The following NCK2 variants were observed in gnomAD, a reference collection of about 807,000 sequenced individuals.
NCK2 encodes the protein NCK adaptor protein 2, also known as cytoplasmic protein NCK2.
In NCK2, 16 loss-of-function variants were observed where a neutral mutation model predicts 33.9. The observed-to-expected ratio is 0.47, with a 90% CI of 0.32 to 0.72. NCK2 has a LOEUF of 0.72. Ranked by LOEUF, NCK2 falls within the 30% of genes least tolerant of loss-of-function variation. The pLI is 0.03. For missense variants in NCK2, 418 were observed against 537.3 expected, an observed-to-expected ratio of 0.78 and a Z score of 2.19; for synonymous variants, 273 against 239.9, an observed-to-expected ratio of 1.14 and a Z score of -1.27.
intron 2 of NCK2, among the ~76,000 whole-genome samples, chr2:105,851,250 C>T (rs1420525090): frequency 6.6e-6 from 1 of 151,414 alleles, no homozygotes; most frequent in Non-Finnish European, 1.5e-5. Context: ...AGTCGGTGTC[C>T]GGCACAGAGC....
At chr2:105,860,221 G>A (rs1677463970) in intron 3 of NCK2, among the ~76,000 whole-genome samples, 1 of 152,176 alleles carries the variant, frequency 6.6e-6, no homozygotes, top group Non-Finnish European at 1.5e-5. Flanking sequence ...AGAAGTTGGA[G>A]GCTGCAGTGA....
intron 4 of NCK2, 45 bp downstream of exon 4, chr2:105,882,094 G>A (rs766557465): frequency 4.8e-6 from 7 of 1,467,970 alleles, no homozygotes; most frequent in Non-Finnish European, 6.3e-6. Context: ...CAGTAAATGC[G>A]CCTTGCGCGG....
Position 105,821,599 on chromosome 2 carries a change from C to A in NCK2, c.-17+4986C>A, listed in dbSNP as rs540161715. Reference sequence around the variant, plus strand: ...ATTGACAGCTGCTGGGAAAACATTGCCACATTGATTCCACAGTGCCCCGGT... The same window carrying A: ...ATTGACAGCTGCTGGGAAAACATTGACACATTGATTCCACAGTGCCCCGGT... On this transcript the variant is annotated intron_variant, in intron 2 of 4. Transcript: ENST00000233154. Among the ~76,000 whole-genome samples, 15 of 152,250 alleles carry A rather than the reference C, an allele frequency of 9.9e-5. 1 individual carries two copies. In the South Asian group the frequency reaches 3.1e-3, roughly 32 times the overall value.
intron 3 of NCK2, among the ~76,000 whole-genome samples, chr2:105,867,936 A>G (rs1677826022): frequency 6.6e-6 from 1 of 152,238 alleles, no homozygotes; most frequent in Non-Finnish European, 1.5e-5. Context: ...GTCTGCATTT[A>G]CCCATACGGT....
At chr2:105,752,439 A>G (rs889273857) in intron 1 of NCK2, among the ~76,000 whole-genome samples, 12 of 152,256 alleles carry the variant, frequency 7.9e-5, no homozygotes, top group Non-Finnish European at 1.0e-4. Context: ...ATATCTTAAA[A>G]TGTGGTTTGA....
At chr2:105,827,797 G>T (rs906124569) in intron 2 of NCK2, among the ~76,000 whole-genome samples, 2 of 152,188 alleles carry the variant, frequency 1.3e-5, no homozygotes, top group African/African-American at 4.8e-5. Context: ...TTTACAAGGG[G>T]TTGGTGATGG....
At chr2:105,801,136 T>C (rs912533681) in intron 1 of NCK2, among the ~76,000 whole-genome samples, 1 of 152,222 alleles carries the variant, frequency 6.6e-6, no homozygotes, top group Non-Finnish European at 1.5e-5. Flanking sequence ...GCAGGGTGTC[T>C]GGTGAGGTTG....
At chr2:105,803,196 T>A (rs1044001000) in intron 1 of NCK2, among the ~76,000 whole-genome samples, 2 of 152,244 alleles carry the variant, frequency 1.3e-5, no homozygotes, top group Non-Finnish European at 2.9e-5. Flanking sequence ...ATATAAACAT[T>A]TATTCTGCTT....
At chr2:105,785,642 C>T (rs1365787889) in intron 1 of NCK2, among the ~76,000 whole-genome samples, 1 of 152,202 alleles carries the variant, frequency 6.6e-6, no homozygotes, top group Non-Finnish European at 1.5e-5. Flanking sequence ...CTCTGAGCCA[C>T]CTCAACATCC....
At chr2:105,752,137 A>G (rs546606251) in intron 1 of NCK2, among the ~76,000 whole-genome samples, 3 of 152,294 alleles carry the variant, frequency 2.0e-5, no homozygotes, top group South Asian at 2.1e-4. Context: ...CCTTGGCCAC[A>G]CGCGACTAGT....
intron 3 of NCK2, among the ~76,000 whole-genome samples, chr2:105,871,133 T>TTTATTAATTGCAGATGTGTA (rs1677981883): frequency 6.6e-6 from 1 of 150,832 alleles, no homozygotes; most frequent in Non-Finnish European, 1.5e-5. Context: ...GCGAGTGAGG[T>TTTATTAATTGCAGATGTGTA]TTATTAATTG....
intron 1 of NCK2, among the ~76,000 whole-genome samples, chr2:105,812,377 C>T (rs1675320886): frequency 6.6e-6 from 1 of 152,218 alleles, no homozygotes; most frequent in South Asian, 2.1e-4. Flanking sequence ...ACTTGTGTAG[C>T]TTTGTTCAGT....
chr2:105,822,984 C>T lies in NCK2; in HGVS notation c.-17+6371C>T, dbSNP rs375408325. 3.9e-4 allele frequency among the ~76,000 whole-genome samples: 59 copies of T among 151,874 alleles called. 1 individual carries two copies. The highest frequency in any genetic ancestry group is 1.3e-3 in the African/African-American group (55 of 41,176). ...AAGAGGCCCTGGGCCGGCCGTGTGG[C>T]GGATGTGTATGTAAGAGAACAGCAT... On this transcript the variant is annotated intron_variant, in intron 2 of 4. Coordinates refer to ENST00000233154, the MANE Select transcript of NCK2 (RefSeq NM_003581.5).
intron 1 of NCK2, among the ~76,000 whole-genome samples, chr2:105,813,185 C>G (rs1314736878): frequency 2.6e-5 from 4 of 152,170 alleles, no homozygotes; most frequent in African/African-American, 9.7e-5. Context: ...ACGATTCTTG[C>G]AGCTGATGCT....
intron 1 of NCK2, among the ~76,000 whole-genome samples, chr2:105,752,039 C>A (rs1689470010): frequency 6.6e-6 from 1 of 152,098 alleles, no homozygotes; most frequent in Non-Finnish European, 1.5e-5. Context: ...AACTCATATT[C>A]TTTTATTTGC....
upstream of NCK2, among the ~76,000 whole-genome samples, chr2:105,744,519 TG>T (rs1475383385): frequency 1.3e-5 from 2 of 152,118 alleles, no homozygotes; most frequent in Non-Finnish European, 2.9e-5. Flanking sequence ...CATCCCAGGC[TG>T]GAAGTTGCCG....
At chr2:105,814,762 T>G (rs1675422891) in intron 1 of NCK2, among the ~76,000 whole-genome samples, 1 of 152,138 alleles carries the variant, frequency 6.6e-6, no homozygotes, top group African/African-American at 2.4e-5. Flanking sequence ...ATCCTGGCAG[T>G]GTATCAGAAG....
At chr2:105,827,714 C>T (rs988885904) in intron 2 of NCK2, among the ~76,000 whole-genome samples, 6 of 152,256 alleles carry the variant, frequency 3.9e-5, no homozygotes, top group African/African-American at 1.4e-4. Flanking sequence ...CAAATGGTCA[C>T]ACATATTGTA....
chr2:105,784,945 G>A (rs1690624052), intron 1 of NCK2, among the ~76,000 whole-genome samples: 2 of 152,128 alleles, frequency 1.3e-5, no homozygotes, highest in African/African-American at 4.8e-5. Flanking sequence ...TTTTTTATGT[G>A]TTTTTTTGTG....
Sources: gnomAD v4.1 joint callset for allele counts (sites outside exome capture counted in the v4.1 genomes callset) on GRCh38, gnomAD v4.1.1 for gene constraint, MANE v1.5 for transcripts, NCBI Gene and HGNC (gene_info 2026-07-23, HGNC 2026-07-21) for gene names.